TXK: variants seen among roughly 807,000 people sequenced by gnomAD.
TXK encodes tyrosine-protein kinase TXK.
TXK carries 60 observed loss-of-function variants against 81.0 expected under a neutral mutation model. The observed-to-expected ratio is 0.74, with a 90% CI of 0.60 to 0.92. The LOEUF is 0.92. Among genes scored for constraint, TXK ranks in the 40% least tolerant of loss-of-function variants. The probability of loss-of-function intolerance (pLI) is 0.00; values close to 1 mark genes in which losing one functional copy is unlikely to be tolerated. For missense variants in TXK, 581 were observed against 638.3 expected, an observed-to-expected ratio of 0.91 and a Z score of 0.97; for synonymous variants, 203 against 210.7, an observed-to-expected ratio of 0.96 and a Z score of 0.32.
chr4:48,132,582 TTATATATGTGTG>T (rs1719272264), intron 1 of TXK, among the ~76,000 whole-genome samples: 1 of 152,246 alleles, frequency 6.6e-6, no homozygotes, highest in South Asian at 2.1e-4. Flanking sequence ...ATAAACTCAT[TTATATATGTGTG>T]TATGTGTGTG....
rs777652719 is a variant in TXK at position 48,114,333 on chromosome 4, C to G, written c.71+15G>C. 1 of 1,613,542 alleles carries G rather than the reference C, an allele frequency of 6.2e-7. No homozygotes were observed. The highest frequency in any genetic ancestry group is 8.5e-7 in the Non-Finnish European group (1 of 1,179,636). On this transcript the variant is annotated intron_variant, in intron 2 of 14. Transcript: ENST00000264316. ...TAATTAATTTTCAAGAAATTGCCCTCGGAAGTAGACTTACCGCTTCTGCAC... is the reference window on the plus strand; with the variant it reads ...TAATTAATTTTCAAGAAATTGCCCTGGGAAGTAGACTTACCGCTTCTGCAC...
intron 6 of TXK, among the ~76,000 whole-genome samples, chr4:48,098,893 A>G (rs1718081722): frequency 6.6e-6 from 1 of 152,108 alleles, no homozygotes; most frequent in Non-Finnish European, 1.5e-5. Flanking sequence ...AGATTGCGCC[A>G]CTGCCCTCCA....
chr4:48,124,980 T>C lies in TXK; in HGVS notation c.16+9175A>G, dbSNP rs74647090. Among the ~76,000 whole-genome samples the C allele has an allele frequency of 2.8e-3, 432 of 152,324 alleles. 4 individuals carry two copies. The highest frequency in any genetic ancestry group is 0.01 in the African/African-American group (417 of 41,562). On this transcript the variant is annotated intron_variant, in intron 1 of 14. Coordinates refer to ENST00000264316, the MANE Select transcript of TXK (RefSeq NM_003328.3). ...ATCTAGAAAACGTAGGTAATAAAAG[T>C]TGTCTTCTAAGAAAGGGTTTCCCCA...
chr4:48,116,389 G>A (rs543767809), intron 1 of TXK, among the ~76,000 whole-genome samples: 1 of 152,284 alleles, frequency 6.6e-6, no homozygotes, highest in African/African-American at 2.4e-5. Flanking sequence ...ATAAAGGTAA[G>A]TATTATCAGT....
chr4:48,077,087 T>C (rs1717100689), intron 11 of TXK, among the ~76,000 whole-genome samples: 1 of 152,142 alleles, frequency 6.6e-6, no homozygotes, highest in Non-Finnish European at 1.5e-5. Flanking sequence ...GTAATAAAAA[T>C]TAAGAAAATA....
chr4:48,082,746 G>A (rs979448858), intron 10 of TXK, among the ~76,000 whole-genome samples: 9 of 152,104 alleles, frequency 5.9e-5, no homozygotes, highest in Admixed American at 2.0e-4. Context: ...GCAAACTCCA[G>A]GTCCAGAAGC....
At position 48,095,186 on chromosome 4, in the gene TXK, G is replaced by A. The variant is rs748152048; in HGVS notation, c.538C>T (p.His180Tyr). 3 of 1,613,620 alleles carry A rather than the reference G, an allele frequency of 1.9e-6. No individual in the cohort carries two copies. Among genetic ancestry groups the A allele is most frequent in the Admixed American group, 1.7e-5 (1 of 59,964 alleles). The change falls in exon 7 of 15, where the codon CAT becomes TAT. Residue 180 changes from histidine to tyrosine, a missense_variant. His to Tyr is a moderately conservative substitution (Grantham distance 83, BLOSUM62 2). Coordinates refer to ENST00000264316, the MANE Select transcript of TXK (RefSeq NM_003328.3). ...ACGGAAATTGTGTAGGATCCTAAAT[G>A]TCTTGAATCTCTGACAATAAATGCA... ...EGAFIVRDSR[H>Y]LGSYTISVFM...
At chr4:48,089,486 G>A (rs1717671480) in intron 9 of TXK, 1 of 286,686 alleles carries the variant, frequency 3.5e-6, no homozygotes, top group African/African-American at 2.1e-5. Context: ...TGCCTCCTGG[G>A]TTCAAGCGAT....
In TXK at chr4:48,067,552, C is replaced by G; in HGVS notation, c.*85G>C. Reference sequence around the variant, plus strand: ...CAGCAACTCTGAAGAAAGATATTCACCATAAGTGACCCCATATGGTGAAGA... The same window carrying G: ...CAGCAACTCTGAAGAAAGATATTCAGCATAAGTGACCCCATATGGTGAAGA... On this transcript the variant is annotated 3_prime_UTR_variant, in exon 15 of 15. Coordinates refer to ENST00000264316, the MANE Select transcript of TXK (RefSeq NM_003328.3). 1.5e-6 allele frequency: 2 copies of G among 1,362,604 alleles called. No homozygotes were observed. The highest frequency in any genetic ancestry group is 2.1e-6 in the Non-Finnish European group (2 of 952,994). The allele number at this position is 1,362,604 out of a possible 1,614,324, so 84.4% of individuals were successfully genotyped here. A position where few individuals can be genotyped will look rare whatever the true frequency, so the allele number is the denominator to read the frequency against.
intron 11 of TXK, among the ~76,000 whole-genome samples, chr4:48,079,568 C>T (rs1190965746): frequency 1.3e-5 from 2 of 152,160 alleles, no homozygotes; most frequent in Non-Finnish European, 2.9e-5. Flanking sequence ...TCCTTAAAAA[C>T]TCTGGTCCCC....
chr4:48,128,307 C>T (rs1719147418), intron 1 of TXK, among the ~76,000 whole-genome samples: 1 of 152,114 alleles, frequency 6.6e-6, no homozygotes. Context: ...AAAGACCAGG[C>T]TTGTTGCCCA....
At chr4:48,089,256 T>C (rs1387760266) in intron 9 of TXK, 1 of 152,200 alleles carries the variant, frequency 6.6e-6, no homozygotes, top group Admixed American at 6.5e-5. Flanking sequence ...TCCCCAAAGT[T>C]TAAATTGTCC....
chr4:48,091,787 G>A (rs138699708), intron 8 of TXK, among the ~76,000 whole-genome samples: 1 of 152,268 alleles, frequency 6.6e-6, no homozygotes, highest in East Asian at 1.9e-4. Context: ...TTACAGGCAT[G>A]AGCCACTGCA....
At chr4:48,116,358 A>G (rs1447121139) in intron 1 of TXK, among the ~76,000 whole-genome samples, 2 of 152,200 alleles carry the variant, frequency 1.3e-5, no homozygotes, top group African/African-American at 4.8e-5. Context: ...ATCAGATAAC[A>G]TCTTTTAAAG....
chr4:48,088,968 G>A (rs926640725), intron 9 of TXK, among the ~76,000 whole-genome samples: 3 of 152,112 alleles, frequency 2.0e-5, no homozygotes, highest in Admixed American at 6.5e-5. Context: ...TGGCACTTAC[G>A]TATTCTCACA....
chr4:48,074,006 G>A lies in TXK; in HGVS notation c.1286C>T (p.Pro429Leu). 1 of 1,613,928 alleles carries A rather than the reference G, an allele frequency of 6.2e-7. No individual in the cohort carries two copies. The highest frequency in any genetic ancestry group is 8.5e-7 in the Non-Finnish European group (1 of 1,179,900). ...AACTTCAGGAGGGGACCACTTGATT[G>A]GGAACTTGGCTCCAAAAGAACTGAC... ...EYVSSFGAKFPIKWSPPEVFL... is the reference protein window; with the variant it reads ...EYVSSFGAKFLIKWSPPEVFL... The change falls in exon 13 of 15, where the codon CCA (proline) becomes CTA (leucine). Residue 429 changes from proline (P) to leucine (L), a missense_variant. By Grantham distance (98) the Pro-to-Leu change is moderately conservative. Transcript: ENST00000264316.
chr4:48,088,909 G>C (rs552448565), intron 9 of TXK, among the ~76,000 whole-genome samples: 1 of 152,226 alleles, frequency 6.6e-6, no homozygotes, highest in South Asian at 2.1e-4. Flanking sequence ...CCACTATTGA[G>C]AGAAGTTTAA....
Position 48,067,563 on chromosome 4 carries a change from C to A in TXK, c.*74G>T, listed in dbSNP as rs1258323798. On this transcript the variant is annotated 3_prime_UTR_variant, in exon 15 of 15. Coordinates refer to ENST00000264316, the MANE Select transcript of TXK (RefSeq NM_003328.3). Reference sequence around the variant, plus strand: ...AAGAAAGATATTCACCATAAGTGACCCCATATGGTGAAGATATTCACAATA... The same window carrying A: ...AAGAAAGATATTCACCATAAGTGACACCATATGGTGAAGATATTCACAATA... 2.1e-6 allele frequency: 3 copies of A among 1,429,994 alleles called. No individual in the cohort carries two copies. The highest frequency in any genetic ancestry group is 1.7e-5 in the Admixed American group (1 of 59,326). The allele number at this position is 1,429,994 out of a possible 1,614,324, so 88.6% of individuals were successfully genotyped here. A position where few individuals can be genotyped will look rare whatever the true frequency, so the allele number is the denominator to read the frequency against.
intron 6 of TXK, among the ~76,000 whole-genome samples, chr4:48,097,495 T>C (rs1189455408): frequency 6.7e-6 from 1 of 149,272 alleles, no homozygotes; most frequent in Admixed American, 6.8e-5. Context: ...CTCGGCTCAC[T>C]GCAAGCTCCA....
Sources: gnomAD v4.1 joint callset for allele counts (sites outside exome capture counted in the v4.1 genomes callset) on GRCh38, gnomAD v4.1.1 for gene constraint, MANE v1.5 for transcripts, NCBI Gene and HGNC (gene_info 2026-07-23, HGNC 2026-07-21) for gene names.